The following LIN28B variants were observed in gnomAD, a reference collection of about 807,000 sequenced individuals.
LIN28B encodes lin-28 RNA binding posttranscriptional regulator B.
LIN28B carries 5 observed loss-of-function variants against 21.9 expected under a neutral mutation model. The observed-to-expected ratio is 0.23, with a 90% CI of 0.12 to 0.48. LIN28B has a LOEUF of 0.48. Ranked by LOEUF, LIN28B falls within the 20% of genes least tolerant of loss-of-function variation. The pLI, the probability that LIN28B is intolerant of heterozygous loss-of-function variation, is 0.98. For missense variants in LIN28B, 245 were observed against 310.5 expected (o/e 0.79, Z 1.58); for synonymous variants, 109 against 111.3 (o/e 0.98, Z 0.13).
intron 2 of LIN28B, among the ~76,000 whole-genome samples, chr6:104,975,722 T>C (rs1283531737): frequency 1.3e-5 from 2 of 152,000 alleles, no homozygotes; most frequent in African/African-American, 4.8e-5. Flanking sequence ...GGTGTGATCA[T>C]GGCTCACTGC....
At chr6:105,066,812 CAT>C (rs142177678) in intron 3 of LIN28B, among the ~76,000 whole-genome samples, 59 of 150,048 alleles carry the variant, frequency 3.9e-4, no homozygotes, top group African/African-American at 8.1e-4. Context: ...AGACATTTTA[CAT>C]ATATATATAT....
chr6:105,073,771 C>T (rs1014408046), intron 3 of LIN28B, among the ~76,000 whole-genome samples: 2 of 152,030 alleles, frequency 1.3e-5, no homozygotes, highest in South Asian at 2.1e-4. Flanking sequence ...CTCTCAGGAT[C>T]GAGAGGGAAT....
rs141716378 is a variant in LIN28B at position 105,029,219 on chromosome 6, A to G, written c.383+2737A>G. Among the ~76,000 whole-genome samples the G allele has an allele frequency of 3.1e-3, 471 of 152,328 alleles. 6 individuals carry two copies. The highest frequency in any genetic ancestry group is 0.011 in the African/African-American group (449 of 41,572). ...ACAATCTTTTGAGAAGTGTTTCTAT[A>G]ATAAATGGGAGGAAAGAAACAAAGC... On this transcript the variant is annotated intron_variant, in intron 3 of 3. Coordinates refer to ENST00000345080, the MANE Select transcript of LIN28B (RefSeq NM_001004317.4).
chr6:104,976,712 A>G (rs1255463574), intron 2 of LIN28B, among the ~76,000 whole-genome samples: 5 of 152,194 alleles, frequency 3.3e-5, no homozygotes, highest in South Asian at 4.1e-4. Flanking sequence ...AAGGCATTTC[A>G]TATTGTAAAT....
intron 3 of LIN28B, among the ~76,000 whole-genome samples, chr6:105,063,198 ATAAT>A (rs1772154127): frequency 6.6e-6 from 1 of 152,216 alleles, no homozygotes; most frequent in Non-Finnish European, 1.5e-5. Flanking sequence ...TTACATCATT[ATAAT>A]TAGAGTCTAG....
chr6:105,033,695 T>C (rs1421332394), intron 3 of LIN28B, among the ~76,000 whole-genome samples: 1 of 151,774 alleles, frequency 6.6e-6, no homozygotes, highest in Non-Finnish European at 1.5e-5. Context: ...GCTGTCTTTA[T>C]AAAAAAGTGA....
intron 2 of LIN28B, among the ~76,000 whole-genome samples, chr6:104,982,757 TAAA>T (rs1236462976): frequency 3.3e-5 from 5 of 152,318 alleles, no homozygotes; most frequent in African/African-American, 1.2e-4. Flanking sequence ...ATTATTAAGT[TAAA>T]AAATTTAAAG....
At chr6:104,991,880 G>A (rs919574444) in intron 2 of LIN28B, among the ~76,000 whole-genome samples, 1 of 152,132 alleles carries the variant, frequency 6.6e-6, no homozygotes, top group South Asian at 2.1e-4. Context: ...GGGTGGCGGC[G>A]TGCGCCTGCA....
chr6:105,055,680 T>C (rs530231793), intron 3 of LIN28B, among the ~76,000 whole-genome samples: 8 of 152,354 alleles, frequency 5.3e-5, no homozygotes, highest in East Asian at 1.9e-4. Flanking sequence ...GTTACTGTTA[T>C]TCAATCCATG....
At chr6:105,065,511 G>A (rs545690838) in intron 3 of LIN28B, among the ~76,000 whole-genome samples, 5 of 152,242 alleles carry the variant, frequency 3.3e-5, no homozygotes, top group Non-Finnish European at 5.9e-5. Context: ...TGGGCCAGAG[G>A]GAGAAATGGA....
chr6:105,030,796 A>G (rs1002673574), intron 3 of LIN28B, among the ~76,000 whole-genome samples: 1 of 151,748 alleles, frequency 6.6e-6, no homozygotes, highest in Non-Finnish European at 1.5e-5. Flanking sequence ...GGTTTTCACC[A>G]TGTTGGCCAG....
intron 2 of LIN28B, among the ~76,000 whole-genome samples, chr6:104,990,256 A>G (rs551310494): frequency 6.6e-5 from 10 of 151,320 alleles, no homozygotes; most frequent in Admixed American, 1.3e-4. Flanking sequence ...TAGTATGTGC[A>G]TTTGAAAAGA....
At chr6:104,986,906 C>T (rs1204013642) in intron 2 of LIN28B, among the ~76,000 whole-genome samples, 2 of 152,222 alleles carry the variant, frequency 1.3e-5, no homozygotes, top group African/African-American at 2.4e-5. Flanking sequence ...CACACACTTA[C>T]TAGGGTCAAC....
chr6:105,076,853 C>A (rs1304394221), intron 3 of LIN28B, among the ~76,000 whole-genome samples: 1 of 151,918 alleles, frequency 6.6e-6, no homozygotes, highest in Non-Finnish European at 1.5e-5. Flanking sequence ...ATCCGCCTGT[C>A]TCGGTCTCCC....
intron 3 of LIN28B, among the ~76,000 whole-genome samples, chr6:105,049,402 G>T (rs924260420): frequency 6.6e-6 from 1 of 152,210 alleles, no homozygotes; most frequent in African/African-American, 2.4e-5. Context: ...TACATTTGCT[G>T]AGGAGTGCTT....
chr6:104,959,542 GGT>G (rs1428325347), intron 2 of LIN28B, among the ~76,000 whole-genome samples: 3 of 152,110 alleles, frequency 2.0e-5, no homozygotes, highest in Non-Finnish European at 4.4e-5. Flanking sequence ...CTTGCTGTGT[GGT>G]GTGTGTTTTC....
At chr6:105,029,668 C>T (rs1361443310) in intron 3 of LIN28B, among the ~76,000 whole-genome samples, 4 of 152,036 alleles carry the variant, frequency 2.6e-5, no homozygotes, top group Non-Finnish European at 5.9e-5. Context: ...CAGGCTGTGC[C>T]AAAGACCCAC....
intron 3 of LIN28B, among the ~76,000 whole-genome samples, chr6:105,073,563 A>G (rs1409496494): frequency 6.6e-6 from 1 of 152,190 alleles, no homozygotes; most frequent in African/African-American, 2.4e-5. Flanking sequence ...AAGCTTACAG[A>G]TCACTGTCAA....
intron 2 of LIN28B, among the ~76,000 whole-genome samples, chr6:104,988,405 T>G (rs1218111105): frequency 6.6e-6 from 1 of 152,030 alleles, no homozygotes; most frequent in African/African-American, 2.4e-5. Flanking sequence ...ATCTTTTTTC[T>G]ATTCCTTGGA....
Sources: gnomAD v4.1 joint callset for allele counts (sites outside exome capture counted in the v4.1 genomes callset) on GRCh38, gnomAD v4.1.1 for gene constraint, MANE v1.5 for transcripts, NCBI Gene and HGNC (gene_info 2026-07-23, HGNC 2026-07-21) for gene names.